Variants in PCDH15 observed in about 807,000 individuals in gnomAD.
PCDH15 encodes the protein protocadherin-15.
In PCDH15, 129 loss-of-function variants were observed where a neutral mutation model predicts 178.5. The ratio of observed to expected loss-of-function variants is 0.72; its 90% CI spans 0.63 to 0.84. The LOEUF is 0.84. Among genes scored for constraint, PCDH15 ranks in the 40% least tolerant of loss-of-function variants. The probability of loss-of-function intolerance (pLI) is 0.00; values close to 1 mark genes in which losing one functional copy is unlikely to be tolerated. For missense variants in PCDH15, 2,230 were observed against 2,099.9 expected, an observed-to-expected ratio of 1.06 and a Z score of -1.21; for synonymous variants, 800 against 732.0, an observed-to-expected ratio of 1.09 and a Z score of -1.50.
intron 8 of PCDH15, among the ~76,000 whole-genome samples, chr10:54,289,898 G>A (rs2059282874): frequency 6.6e-6 from 1 of 152,164 alleles, no homozygotes. Context: ...AGGACTATGT[G>A]AAAAGACCAA....
chr10:53,870,790 T>A (rs182082716), intron 26 of PCDH15, among the ~76,000 whole-genome samples: 5 of 152,288 alleles, frequency 3.3e-5, no homozygotes, highest in Admixed American at 2.6e-4. Flanking sequence ...AACCAAATGT[T>A]CTTTCTATAA....
intron 3 of PCDH15, among the ~76,000 whole-genome samples, chr10:54,484,307 G>A (rs2104891): frequency 0.095 from 14,449 of 151,878 alleles, 875 homozygotes; most frequent in East Asian, 0.28. Flanking sequence ...ATAAAGCAAG[G>A]ACATGGCTTT....
chr10:55,217,348 A>T (rs1466660986), intron 1 of PCDH15, among the ~76,000 whole-genome samples: 6 of 152,002 alleles, frequency 3.9e-5, no homozygotes, highest in African/African-American at 1.4e-4. Context: ...TTTTGCCATA[A>T]TAAAACTCTC....
At chr10:54,835,566 C>A (rs917500472) in intron 3 of PCDH15, among the ~76,000 whole-genome samples, 1 of 152,092 alleles carries the variant, frequency 6.6e-6, no homozygotes, top group Non-Finnish European at 1.5e-5. Context: ...ACATACACAT[C>A]CCCACCTTGA....
At chr10:54,401,328 T>C (rs1431315198) in intron 3 of PCDH15, among the ~76,000 whole-genome samples, 2 of 151,830 alleles carry the variant, frequency 1.3e-5, no homozygotes, top group East Asian at 3.9e-4. Context: ...AAATGAGAGA[T>C]TTAGGGCAAG....
At chr10:55,531,403 T>C (rs1841451731) in intron 2 of PCDH15, among the ~76,000 whole-genome samples, 1 of 151,984 alleles carries the variant, frequency 6.6e-6, no homozygotes, top group Non-Finnish European at 1.5e-5. Context: ...TTTACATAAA[T>C]GGCTCTTATT....
chr10:54,298,082 A>G (rs1432504558), intron 8 of PCDH15, among the ~76,000 whole-genome samples: 1 of 152,128 alleles, frequency 6.6e-6, no homozygotes, highest in Non-Finnish European at 1.5e-5. Flanking sequence ...TAGAAGGACT[A>G]AGGAGAATTA....
At chr10:54,545,545 G>T (rs11004373) in intron 2 of PCDH15, among the ~76,000 whole-genome samples, 8,085 of 151,906 alleles carry the variant, frequency 0.053, 531 homozygotes, top group East Asian at 0.31. Flanking sequence ...TATAAAGAAA[G>T]AAAGGAGAGA....
intron 2 of PCDH15, among the ~76,000 whole-genome samples, chr10:55,114,383 C>T (rs1006274201): frequency 6.6e-6 from 1 of 152,172 alleles, no homozygotes; most frequent in Non-Finnish European, 1.5e-5. Context: ...GATTTGCATT[C>T]GGTTACAATA....
At chr10:55,499,223 CAT>C (rs1286917673) in intron 2 of PCDH15, among the ~76,000 whole-genome samples, 1 of 151,796 alleles carries the variant, frequency 6.6e-6, no homozygotes, top group African/African-American at 2.4e-5. Context: ...ATAATAACTA[CAT>C]GTTTTAAGTT....
chr10:54,267,677 C>T (rs939916088), intron 8 of PCDH15, among the ~76,000 whole-genome samples: 2 of 151,472 alleles, frequency 1.3e-5, no homozygotes, highest in East Asian at 1.9e-4. Context: ...TTTATGAGAG[C>T]CACAAGAGAA....
At chr10:55,256,279 C>A (rs1305768392) in intron 1 of PCDH15, among the ~76,000 whole-genome samples, 1 of 152,180 alleles carries the variant, frequency 6.6e-6, no homozygotes, top group Non-Finnish European at 1.5e-5. Context: ...CAGCTCCAGT[C>A]TACAGCTCCC....
intron 2 of PCDH15, among the ~76,000 whole-genome samples, chr10:55,369,013 A>G (rs1411837875): frequency 7.0e-6 from 1 of 143,312 alleles, no homozygotes; most frequent in African/African-American, 2.6e-5. Context: ...TTGGGACCAA[A>G]AAAAAAAAAA....
intron 8 of PCDH15, among the ~76,000 whole-genome samples, chr10:54,271,613 G>T (rs1384276057): frequency 6.6e-6 from 1 of 152,028 alleles, no homozygotes; most frequent in Non-Finnish European, 1.5e-5. Context: ...TTTTCATTCA[G>T]GTTGGACTCA....
chr10:54,875,426 C>G (rs1261470914), intron 3 of PCDH15, among the ~76,000 whole-genome samples: 4 of 152,074 alleles, frequency 2.6e-5, no homozygotes, highest in African/African-American at 9.7e-5. Flanking sequence ...ATTCAAGTAT[C>G]TCACTTTAAT....
intron 15 of PCDH15, among the ~76,000 whole-genome samples, chr10:54,125,006 G>A (rs985655310): frequency 6.6e-6 from 1 of 152,152 alleles, no homozygotes; most frequent in African/African-American, 2.4e-5. Context: ...ATAATTCCTT[G>A]AGGCCCAGAC....
chr10:54,024,772 G>A (rs2093031783), intron 18 of PCDH15, among the ~76,000 whole-genome samples: 1 of 152,058 alleles, frequency 6.6e-6, no homozygotes, highest in African/African-American at 2.4e-5. Flanking sequence ...CCTAGAATTT[G>A]TCTTACGAAT....
chr10:54,036,543 CA>C (rs1197868242), intron 18 of PCDH15, among the ~76,000 whole-genome samples: 3 of 151,422 alleles, frequency 2.0e-5, no homozygotes, highest in African/African-American at 4.9e-5. Context: ...CATAGTTTAG[CA>C]AGTATTTTAA....
rs540882525 is a variant in PCDH15, at chr10:53,838,932, C to T, written c.3983+1388G>A. On this transcript the variant is annotated intron_variant, in intron 29 of 37. Coordinates refer to ENST00000644397, the MANE Select transcript of PCDH15 (RefSeq NM_001384140.1). ...TAAAAATGAATTGATGAGCCAGGCACGGTGGCTCACACCTGTAATCCCAGC... is the reference window on the plus strand; with the variant it reads ...TAAAAATGAATTGATGAGCCAGGCATGGTGGCTCACACCTGTAATCCCAGC... Among the ~76,000 whole-genome samples the T allele has an allele frequency of 5.0e-4, 76 of 151,766 alleles. No homozygotes were observed. The South Asian group carries it at 9.6e-3, about 19-fold the overall frequency.
Sources: gnomAD v4.1 joint callset for allele counts (sites outside exome capture counted in the v4.1 genomes callset) on GRCh38, gnomAD v4.1.1 for gene constraint, MANE v1.5 for transcripts, NCBI Gene and HGNC (gene_info 2026-07-23, HGNC 2026-07-21) for gene names.